Variants in EEIG2 observed in about 807,000 individuals in gnomAD.
EEIG2 encodes the protein family with sequence similarity 102 member B.
At chr1:108,591,926 A>T in the EEIG2 span, among the ~76,000 whole-genome samples, 1 of 152,256 alleles carries the variant, frequency 6.6e-6, no homozygotes, top group South Asian at 2.1e-4. Context: ...CAAACAATAT[A>T]AGACAGAAAG....
the EEIG2 span, among the ~76,000 whole-genome samples, chr1:108,572,780 T>C: frequency 6.6e-6 from 1 of 152,146 alleles, no homozygotes; most frequent in Admixed American, 6.5e-5. Context: ...CACACCCGGC[T>C]AATTTTTTTT....
the EEIG2 span, chr1:108,636,015 C>T: frequency 1.3e-5 from 2 of 152,146 alleles, no homozygotes; most frequent in Admixed American, 1.3e-4. Flanking sequence ...AACAGAGAAG[C>T]CTTTTCTATG....
At chr1:108,635,069 A>C in the EEIG2 span, 121 of 1,612,606 alleles carry the variant, frequency 7.5e-5, no homozygotes, top group South Asian at 1.2e-3. Context: ...CAAACACTGC[A>C]GCTCAAAATT....
chr1:108,628,369 A>G, the EEIG2 span: 13 of 1,612,498 alleles, frequency 8.1e-6, no homozygotes, highest in Non-Finnish European at 1.1e-5. Context: ...TATGAGTATT[A>G]TATCCAAGGT....
the EEIG2 span, among the ~76,000 whole-genome samples, chr1:108,572,795 C>T: frequency 1.3e-5 from 2 of 151,946 alleles, no homozygotes; most frequent in South Asian, 4.2e-4. Context: ...TTTTTTGTAT[C>T]TTTAGTACAG....
At chr1:108,599,479 A>T in the EEIG2 span, among the ~76,000 whole-genome samples, 1 of 152,024 alleles carries the variant, frequency 6.6e-6, no homozygotes, top group African/African-American at 2.4e-5. Context: ...ATCTTTTTCT[A>T]AGGCTGAGCA....
chr1:108,573,763 G>A, the EEIG2 span, among the ~76,000 whole-genome samples: 1 of 152,110 alleles, frequency 6.6e-6, no homozygotes, highest in Non-Finnish European at 1.5e-5. Context: ...ATGGCCAGAA[G>A]CACAAGAAAA....
chr1:108,592,512 T>C, the EEIG2 span, among the ~76,000 whole-genome samples: 2 of 152,220 alleles, frequency 1.3e-5, no homozygotes, highest in African/African-American at 4.8e-5. Context: ...AGAACCTGTT[T>C]CAGAGTCCTA....
the EEIG2 span, chr1:108,628,412 T>G: frequency 3.5e-5 from 57 of 1,613,794 alleles, no homozygotes; most frequent in Non-Finnish European, 1.2e-5. Context: ...CACGTGTCAC[T>G]CCCGGTCATC....
the EEIG2 span, among the ~76,000 whole-genome samples, chr1:108,607,094 G>A: frequency 6.6e-6 from 1 of 152,168 alleles, no homozygotes; most frequent in Non-Finnish European, 1.5e-5. Context: ...TACAAAACAA[G>A]GAGATGTGAG....
At chr1:108,572,485 C>A in the EEIG2 span, among the ~76,000 whole-genome samples, 3 of 151,912 alleles carry the variant, frequency 2.0e-5, no homozygotes, top group Admixed American at 2.0e-4. Flanking sequence ...TCTAGGGGGT[C>A]GGCAAGTATC....
the EEIG2 span, among the ~76,000 whole-genome samples, chr1:108,624,432 TA>T: frequency 0.066 from 5,890 of 89,480 alleles, 144 homozygotes; most frequent in Middle Eastern, 0.13. Flanking sequence ...CTTGTTATGT[TA>T]AAAAAAAAAA....
chr1:108,625,192 C>G, the EEIG2 span: 1 of 155,246 alleles, frequency 6.4e-6, no homozygotes, highest in African/African-American at 2.4e-5. Flanking sequence ...CCAGAGTGTT[C>G]GATTCAGTAG....
At chr1:108,599,793 A>G in the EEIG2 span, among the ~76,000 whole-genome samples, 1 of 152,200 alleles carries the variant, frequency 6.6e-6, no homozygotes, top group Non-Finnish European at 1.5e-5. Flanking sequence ...GGAGTTCAAG[A>G]CCAGCCTGGA....
the EEIG2 span, among the ~76,000 whole-genome samples, chr1:108,596,765 A>ATCTT: frequency 2.0e-5 from 3 of 149,944 alleles, no homozygotes; most frequent in Non-Finnish European, 3.0e-5. Context: ...TTAAGACTGT[A>ATCTT]TCTTGCTCTG....
At chr1:108,575,833 G>A in the EEIG2 span, among the ~76,000 whole-genome samples, 3 of 152,228 alleles carry the variant, frequency 2.0e-5, no homozygotes, top group African/African-American at 7.2e-5. Context: ...GGCAGTGACT[G>A]CTAGTGGATA....
At chr1:108,610,850 C>T in the EEIG2 span, among the ~76,000 whole-genome samples, 7,510 of 152,070 alleles carry the variant, frequency 0.049, 613 homozygotes, top group African/African-American at 0.17. Flanking sequence ...AGGAGAATGG[C>T]GTGAAGCTGG....
At chr1:108,605,674 G>A in the EEIG2 span, among the ~76,000 whole-genome samples, 4 of 152,084 alleles carry the variant, frequency 2.6e-5, no homozygotes, top group African/African-American at 9.7e-5. Flanking sequence ...TTTATGTACA[G>A]TGACATATTT....
chr1:108,609,427 G>A, the EEIG2 span, among the ~76,000 whole-genome samples: 2 of 152,174 alleles, frequency 1.3e-5, no homozygotes, highest in African/African-American at 4.8e-5. Context: ...GGGGTGGAAG[G>A]CGGTAACTAC....
Sources: gnomAD v4.1 joint callset for allele counts (sites outside exome capture counted in the v4.1 genomes callset) on GRCh38, gnomAD v4.1.1 for gene constraint, MANE v1.5 for transcripts, NCBI Gene and HGNC (gene_info 2026-07-23, HGNC 2026-07-21) for gene names.